ATOH8: variants seen among roughly 807,000 people sequenced by gnomAD.
The protein encoded by ATOH8 is atonal bHLH transcription factor 8, also known as transcription factor ATOH8.
A neutral mutation model predicts 21.2 loss-of-function variants in ATOH8; 9 were observed. The ratio of observed to expected loss-of-function variants is 0.42; its 90% CI spans 0.26 to 0.74. The LOEUF (loss-of-function observed/expected upper bound fraction) is 0.74. Ranked by LOEUF, ATOH8 falls within the 30% of genes least tolerant of loss-of-function variation. The pLI is 0.24. For synonymous variants in ATOH8, 253 were observed against 224.0 expected, an observed-to-expected ratio of 1.13 and a Z score of -1.16; for missense variants, 524 against 470.9, an observed-to-expected ratio of 1.11 and a Z score of -1.04.
At chr2:85,775,766 C>T (rs1430370630) in intron 2 of ATOH8, among the ~76,000 whole-genome samples, 1 of 152,216 alleles carries the variant, frequency 6.6e-6, no homozygotes, top group African/African-American at 2.4e-5. Context: ...AGAAAAACAT[C>T]AAGGTCTGTC....
At chr2:85,760,875 G>A (rs1435214307) in intron 1 of ATOH8, 1 of 152,274 alleles carries the variant, frequency 6.6e-6, no homozygotes, top group Non-Finnish European at 1.5e-5. Context: ...TCTGAGGAGT[G>A]AAGGCACTTC....
intron 2 of ATOH8, among the ~76,000 whole-genome samples, chr2:85,770,457 GA>G (rs1680150620): frequency 4.0e-5 from 6 of 148,242 alleles, no homozygotes; most frequent in Admixed American, 4.0e-4. Flanking sequence ...GGGTGGGTGG[GA>G]AACCACCATC....
intron 2 of ATOH8, chr2:85,772,907 A>G (rs1259532866): frequency 2.3e-6 from 1 of 443,254 alleles, no homozygotes; most frequent in African/African-American, 2.1e-5. Flanking sequence ...CCACCTCATT[A>G]GTGCTCCTGA....
At chr2:85,773,957 A>G (rs1003535444) in intron 2 of ATOH8, 27 of 400,160 alleles carry the variant, frequency 6.7e-5, no homozygotes, top group Non-Finnish European at 8.5e-5. Flanking sequence ...TCTGGTTTGG[A>G]TGCTGGAGCT....
intron 1 of ATOH8, among the ~76,000 whole-genome samples, chr2:85,755,159 C>T (rs1679648945): frequency 6.6e-6 from 1 of 152,226 alleles, no homozygotes; most frequent in East Asian, 1.9e-4. Flanking sequence ...TTATCTCTGG[C>T]CCGAGCACCC....
chr2:85,781,718 A>AT (rs1204850151), intron 2 of ATOH8, among the ~76,000 whole-genome samples: 2 of 151,790 alleles, frequency 1.3e-5, no homozygotes, highest in African/African-American at 2.4e-5. Flanking sequence ...TCTACAAAAG[A>AT]TAAAAAAAAA....
At chr2:85,767,172 C>G (rs571115810) in intron 2 of ATOH8, among the ~76,000 whole-genome samples, 1 of 152,262 alleles carries the variant, frequency 6.6e-6, no homozygotes, top group Admixed American at 6.5e-5. Flanking sequence ...CTCCTGAGGC[C>G]CCACCTCCAT....
In ATOH8 at chr2:85,787,254, C is replaced by T; in HGVS notation, c.*364C>T. On this transcript the variant is annotated 3_prime_UTR_variant, in exon 3 of 3. Coordinates refer to ENST00000306279, the MANE Select transcript of ATOH8 (RefSeq NM_032827.7). ...CCCACAGCGAAAAGCCACACCGTTGCTCTGTGACTTTTGCTCCTCCTGTTG... is the reference window on the plus strand; with the variant it reads ...CCCACAGCGAAAAGCCACACCGTTGTTCTGTGACTTTTGCTCCTCCTGTTG... The T allele has an allele frequency of 3.5e-6, 1 of 286,298 alleles. No individual in the cohort carries two copies. The allele number at this position is 286,298 out of a possible 1,614,324, so 17.7% of individuals were successfully genotyped here. A position where few individuals can be genotyped will look rare whatever the true frequency, so the allele number is the denominator to read the frequency against.
At chr2:85,759,599 G>A (rs1488599592) in intron 1 of ATOH8, among the ~76,000 whole-genome samples, 4 of 152,120 alleles carry the variant, frequency 2.6e-5, no homozygotes, top group Non-Finnish European at 4.4e-5. Context: ...AGTGCAGGAG[G>A]CTGGGATTTT....
At chr2:85,759,675 C>T (rs1020855864) in intron 1 of ATOH8, among the ~76,000 whole-genome samples, 3 of 152,044 alleles carry the variant, frequency 2.0e-5, no homozygotes, top group Admixed American at 6.6e-5. Context: ...GGATTCACGT[C>T]GGGAGTCCAG....
chr2:85,767,515 C>G lies in ATOH8; in HGVS notation c.960+3333C>G, dbSNP rs560322172. ...CAGGACATGTGACTACTGTAGGGGT[C>G]CCCAAGCAAGAGATGGGAATCTCAA... On this transcript the variant is annotated intron_variant, in intron 2 of 2. Transcript: ENST00000306279. Among the ~76,000 whole-genome samples the G allele has an allele frequency of 2.0e-5, 3 of 150,284 alleles. No individual in the cohort carries two copies. The East Asian group carries it at 6.0e-4, about 30-fold the overall frequency.
intron 2 of ATOH8, among the ~76,000 whole-genome samples, chr2:85,770,194 G>C (rs1475551677): frequency 6.6e-6 from 1 of 150,892 alleles, no homozygotes; most frequent in Non-Finnish European, 1.5e-5. Context: ...TGAGGTGGGG[G>C]ACTGGTGTTG....
chr2:85,755,384 C>T (rs1679658863), intron 1 of ATOH8, among the ~76,000 whole-genome samples: 1 of 152,100 alleles, frequency 6.6e-6, no homozygotes, highest in Non-Finnish European at 1.5e-5. Context: ...TGGGACAGTC[C>T]GGGGGAGTTG....
chr2:85,764,283 C>A, intron 2 of ATOH8, 101 bp downstream of exon 2: 1 of 1,431,086 alleles, frequency 7.0e-7, no homozygotes, highest in South Asian at 1.3e-5. Flanking sequence ...CTGAAGGGGC[C>A]AGAGAGATCA....
chr2:85,754,567 G>GCCGCCGCCT lies in ATOH8; in HGVS notation c.381_389dup (p.Pro128_Pro130dup). On this transcript the variant is annotated inframe_insertion, in exon 1 of 3. Transcript: ENST00000306279. ...GGCCAGGACTCCCCACGCCGCCGCC[G>GCCGCCGCCT]CCGCCGCCTCCTGCGCCCCAGAGCC... 6.9e-7 allele frequency: 1 copy of GCCGCCGCCT among 1,439,524 alleles called. No individual in the cohort carries two copies. The highest frequency in any genetic ancestry group is 9.0e-7 in the Non-Finnish European group (1 of 1,107,990). The allele number at this position is 1,439,524 out of a possible 1,614,324, so 89.2% of individuals were successfully genotyped here.
rs953211653 is a variant in ATOH8 at position 85,791,173 on chromosome 2, C to T, written c.*4283C>T. ...ACAAACTATGCCTGCCTCCCTGAAG[C>T]CAGGCATCCTGAGGAACTTGATAGA... On this transcript the variant is annotated 3_prime_UTR_variant, in exon 3 of 3. Coordinates refer to ENST00000306279, the MANE Select transcript of ATOH8 (RefSeq NM_032827.7). 1.3e-4 allele frequency among the ~76,000 whole-genome samples: 20 copies of T among 152,164 alleles called. No individual in the cohort carries two copies. Among genetic ancestry groups the T allele is most frequent in the Non-Finnish European group, 2.5e-4 (17 of 68,034 alleles).
intron 2 of ATOH8, among the ~76,000 whole-genome samples, chr2:85,765,669 C>G (rs1017855418): frequency 6.6e-6 from 1 of 151,640 alleles, no homozygotes; most frequent in Non-Finnish European, 1.5e-5. Flanking sequence ...GGGCAGGCGC[C>G]CCGTCTCCAT....
intron 1 of ATOH8, among the ~76,000 whole-genome samples, chr2:85,757,485 G>A (rs1679741661): frequency 6.6e-6 from 1 of 152,374 alleles, no homozygotes; most frequent in South Asian, 2.1e-4. Flanking sequence ...CTGAAATGGG[G>A]CCTTGGCCAG....
At chr2:85,783,719 C>G (rs1438478633) in intron 2 of ATOH8, 1 of 152,192 alleles carries the variant, frequency 6.6e-6, no homozygotes, top group Admixed American at 6.5e-5. Flanking sequence ...GAATGTAAGC[C>G]TCTCGCACTG....
Sources: allele counts gnomAD v4.1 joint callset (sites outside exome capture counted in the v4.1 genomes callset), GRCh38; gene constraint gnomAD v4.1.1; transcripts MANE v1.5; gene names NCBI Gene and HGNC (gene_info 2026-07-23, HGNC 2026-07-21).